UNC80: variants seen among roughly 807,000 people sequenced by gnomAD.
UNC80 encodes unc-80 subunit of NALCN channel complex, also known as protein unc-80 homolog.
A neutral mutation model predicts 384.6 loss-of-function variants in UNC80; 164 were observed. The ratio of observed to expected loss-of-function variants is 0.43; its 90% CI spans 0.38 to 0.49. The LOEUF (loss-of-function observed/expected upper bound fraction) is 0.49. Among genes scored for constraint, UNC80 ranks in the 20% least tolerant of loss-of-function variants. The probability of loss-of-function intolerance (pLI) is 0.00; values close to 1 mark genes in which losing one functional copy is unlikely to be tolerated. For synonymous variants in UNC80, 1,486 were observed against 1,527.8 expected (o/e 0.97, Z 0.64); for missense variants, 3,330 against 4,143.0 (o/e 0.80, Z 5.39).
At chr2:209,889,225 A>G (rs1033364643) in intron 26 of UNC80, among the ~76,000 whole-genome samples, 1 of 152,124 alleles carries the variant, frequency 6.6e-6, no homozygotes, top group South Asian at 2.1e-4. Flanking sequence ...GTTGCTTGTA[A>G]TTTTTTCAAT....
At chr2:209,920,898 G>T (rs984685084) in intron 33 of UNC80, among the ~76,000 whole-genome samples, 1 of 151,878 alleles carries the variant, frequency 6.6e-6, no homozygotes, top group South Asian at 2.1e-4. Flanking sequence ...TGTGATCCCG[G>T]CTCACTGCAA....
intron 1 of UNC80, 111 bp downstream of exon 1, chr2:209,772,275 C>A: frequency 2.4e-6 from 1 of 423,330 alleles, no homozygotes. Context: ...CAGCCTGCAG[C>A]TCCCTCTCTG....
At chr2:209,779,469 T>A (rs1366917307) in intron 4 of UNC80, among the ~76,000 whole-genome samples, 1 of 148,908 alleles carries the variant, frequency 6.7e-6, no homozygotes, top group East Asian at 2.0e-4. Flanking sequence ...GCAACTAGCA[T>A]GCTATCCTAC....
chr2:209,808,733 A>T, intron 7 of UNC80: 2 of 53,892 alleles, frequency 3.7e-5, no homozygotes, highest in South Asian at 2.6e-4. Flanking sequence ...CATTGCTCCA[A>T]GGCTCGGCCT....
At chr2:209,970,143 A>G (rs957390788) in intron 53 of UNC80, 2 of 444,416 alleles carry the variant, frequency 4.5e-6, no homozygotes, top group African/African-American at 2.0e-5. Flanking sequence ...TCACCTCTTC[A>G]AGTTGCGCTG....
chr2:209,903,893 C>T (rs1317329563), intron 28 of UNC80, among the ~76,000 whole-genome samples: 2 of 151,526 alleles, frequency 1.3e-5, no homozygotes, highest in East Asian at 3.9e-4. Flanking sequence ...TCTTTGTGTT[C>T]AATATGGAAC....
At chr2:209,926,337 G>A (rs1017568338) in intron 35 of UNC80, among the ~76,000 whole-genome samples, 5 of 152,178 alleles carry the variant, frequency 3.3e-5, no homozygotes, top group Non-Finnish European at 7.3e-5. Context: ...AATAGTACTC[G>A]GAAAGTGGGC....
intron 48 of UNC80, among the ~76,000 whole-genome samples, chr2:209,954,893 A>G (rs2092340717): frequency 6.6e-6 from 1 of 152,172 alleles, no homozygotes; most frequent in Non-Finnish European, 1.5e-5. Flanking sequence ...ACAAAGTTCA[A>G]GCAGTTAGTC....
intron 28 of UNC80, among the ~76,000 whole-genome samples, chr2:209,896,842 C>T (rs912011551): frequency 2.0e-5 from 3 of 152,016 alleles, no homozygotes; most frequent in East Asian, 3.9e-4. Context: ...TGGTGAATGT[C>T]GTATGTCCGA....
Position 209,943,413 on chromosome 2 carries a change from C to T in UNC80, c.6949C>T (p.Arg2317Cys), listed in dbSNP as rs771687535. The change falls in exon 45 of 65, where the codon CGT (arginine) becomes TGT (cysteine). Residue 2317 changes from arginine (R) to cysteine (C), a missense_variant. Transcript: ENST00000673920. ...CGACTATGAAAGCAATCCCCAGCTG[C>T]GTCAAGCCATCGAATTTGCCTGTCA... ...YSDYESNPQL[R>C]QAIEFACHQF... 2.1e-5 allele frequency: 33 copies of T among 1,552,194 alleles called. No individual in the cohort carries two copies. The highest frequency in any genetic ancestry group is 1.8e-4 in the Admixed American group (9 of 51,002).
At chr2:209,972,002 G>A (rs566966936) in intron 54 of UNC80, among the ~76,000 whole-genome samples, 199 bp from the exon 55 acceptor site, 39 of 152,318 alleles carry the variant, frequency 2.6e-4, no homozygotes, top group Non-Finnish European at 4.1e-4. Context: ...CTTTTTAGGT[G>A]TATAGCTCTC....
intron 6 of UNC80, among the ~76,000 whole-genome samples, chr2:209,791,669 A>G (rs1006360274): frequency 3.9e-5 from 6 of 151,924 alleles, no homozygotes; most frequent in African/African-American, 1.5e-4. Context: ...GAATACAAAA[A>G]AATTAGCTGG....
intron 51 of UNC80, among the ~76,000 whole-genome samples, chr2:209,959,976 A>G (rs780764539): frequency 3.3e-5 from 5 of 152,228 alleles, no homozygotes; most frequent in Admixed American, 6.5e-5. Context: ...AAAGAGAAAG[A>G]AAGGGAAATT....
chr2:209,833,295 A>AT (rs1041512942), intron 16 of UNC80, among the ~76,000 whole-genome samples: 3 of 151,704 alleles, frequency 2.0e-5, no homozygotes, highest in African/African-American at 7.3e-5. Flanking sequence ...AAAAAAAAAA[A>AT]ATACAGTAAC....
intron 9 of UNC80, 83 bp from the exon 10 acceptor site, chr2:209,816,826 C>A: frequency 8.0e-7 from 1 of 1,254,014 alleles, no homozygotes. Context: ...TTGTATTTTA[C>A]TGCAGATCAT....
At chr2:209,862,134 C>T (rs1187613120) in intron 22 of UNC80, among the ~76,000 whole-genome samples, 2 of 152,020 alleles carry the variant, frequency 1.3e-5, no homozygotes, top group Non-Finnish European at 2.9e-5. Context: ...GTTAGGGTGT[C>T]GATTTGAGAT....
intron 4 of UNC80, among the ~76,000 whole-genome samples, chr2:209,783,900 G>A (rs1049592419): frequency 8.6e-5 from 13 of 152,030 alleles, no homozygotes; most frequent in Non-Finnish European, 1.8e-4. Context: ...AGACCTCCTC[G>A]TGTCCATTTC....
intron 40 of UNC80, 133 bp downstream of exon 40, chr2:209,935,941 C>A: frequency 1.7e-6 from 1 of 574,068 alleles, no homozygotes; most frequent in Non-Finnish European, 3.1e-6. Flanking sequence ...CTTCTAAAAT[C>A]TGCCCCACTA....
intron 31 of UNC80, among the ~76,000 whole-genome samples, chr2:209,915,357 A>C (rs968206548): frequency 7.7e-5 from 11 of 142,306 alleles, no homozygotes; most frequent in Admixed American, 4.4e-4. Flanking sequence ...GTGAGCCGAG[A>C]TTGTGCCACT....
Sources: allele counts gnomAD v4.1 joint callset (sites outside exome capture counted in the v4.1 genomes callset), GRCh38; gene constraint gnomAD v4.1.1; transcripts MANE v1.5; gene names NCBI Gene and HGNC (gene_info 2026-07-23, HGNC 2026-07-21).